The following SGCZ variants were observed in gnomAD, a reference collection of about 807,000 sequenced individuals.
SGCZ encodes zeta-sarcoglycan.
A neutral mutation model predicts 41.3 loss-of-function variants in SGCZ; 40 were observed. The observed-to-expected ratio is 0.97, with a 90% confidence interval of 0.75 to 1.26. SGCZ has a LOEUF of 1.26. Ranked by LOEUF, SGCZ falls within the 50% of genes most tolerant of loss-of-function variation. The pLI is 0.00. For missense variants in SGCZ, 552 were observed against 369.8 expected, an observed-to-expected ratio of 1.49 and a Z score of -4.04; for synonymous variants, 206 against 137.5, an observed-to-expected ratio of 1.50 and a Z score of -3.49.
chr8:14,870,914 A>G (rs999017485), intron 1 of SGCZ, among the ~76,000 whole-genome samples: 4 of 152,198 alleles, frequency 2.6e-5, no homozygotes, highest in Non-Finnish European at 5.9e-5. Flanking sequence ...ATCATTAAAA[A>G]GTCAGGAAAC....
At position 14,525,657 on chromosome 8, in the gene SGCZ, A is replaced by G. The variant is rs1802925447; in HGVS notation, c.234+29075T>C. Among the ~76,000 whole-genome samples the G allele has an allele frequency of 3.3e-5, 5 of 152,254 alleles. No individual in the cohort carries two copies. In the South Asian group the frequency reaches 1.0e-3, roughly 32 times the overall value. On this transcript the variant is annotated intron_variant, in intron 2 of 7. Coordinates refer to ENST00000382080, the MANE Select transcript of SGCZ (RefSeq NM_139167.4). Reference sequence around the variant, plus strand: ...ACATCAAATAAAAGAAAACATTAACACACTAAAAAGAAAATTTAAACCAAA... The same window carrying G: ...ACATCAAATAAAAGAAAACATTAACGCACTAAAAAGAAAATTTAAACCAAA...
chr8:14,336,617 T>C (rs1242105929), intron 2 of SGCZ, among the ~76,000 whole-genome samples: 1 of 152,156 alleles, frequency 6.6e-6, no homozygotes, highest in African/African-American at 2.4e-5. Flanking sequence ...TTATGACTTT[T>C]TAATCATAGC....
chr8:14,785,011 G>C (rs1800723324), intron 1 of SGCZ, among the ~76,000 whole-genome samples: 1 of 136,562 alleles, frequency 7.3e-6, no homozygotes, highest in African/African-American at 2.7e-5. Flanking sequence ...GCTTTATTTA[G>C]AAGCAGAAAA....
At chr8:14,126,129 A>C (rs190256512) in intron 5 of SGCZ, among the ~76,000 whole-genome samples, 1 of 152,296 alleles carries the variant, frequency 6.6e-6, no homozygotes, top group Admixed American at 6.5e-5. Flanking sequence ...ATTGACAAAT[A>C]GGATCTAATT....
At chr8:14,610,332 A>G (rs557629125) in intron 1 of SGCZ, among the ~76,000 whole-genome samples, 1 of 152,206 alleles carries the variant, frequency 6.6e-6, no homozygotes, top group Admixed American at 6.5e-5. Context: ...CCTCTACAAG[A>G]CAAATGAATC....
intron 1 of SGCZ, among the ~76,000 whole-genome samples, chr8:15,074,500 A>G (rs139287315): frequency 3.9e-5 from 6 of 152,262 alleles, no homozygotes; most frequent in Non-Finnish European, 8.8e-5. Context: ...AAATTTTAAA[A>G]GCGCCCCATT....
chr8:14,497,098 T>C (rs1257301851), intron 2 of SGCZ, among the ~76,000 whole-genome samples: 1 of 152,196 alleles, frequency 6.6e-6, no homozygotes, highest in African/African-American at 2.4e-5. Flanking sequence ...AAGACATCTT[T>C]TGGTTACGCG....
In SGCZ at chr8:14,646,667, C is replaced by G. The variant is rs530587353; in HGVS notation, c.40-91741G>C. On this transcript the variant is annotated intron_variant, in intron 1 of 7. Coordinates refer to ENST00000382080, the MANE Select transcript of SGCZ (RefSeq NM_139167.4). Reference sequence around the variant, plus strand: ...TCCACAGATAATAGTTTCCTAACAGCATAAAATACAAGTATTTTGTCTAAA... The same window carrying G: ...TCCACAGATAATAGTTTCCTAACAGGATAAAATACAAGTATTTTGTCTAAA... 5.9e-5 allele frequency among the ~76,000 whole-genome samples: 9 copies of G among 151,896 alleles called. No homozygotes were observed. In the East Asian group the frequency reaches 1.7e-3, roughly 30 times the overall value.
At chr8:14,801,345 C>G (rs1801316223) in intron 1 of SGCZ, among the ~76,000 whole-genome samples, 1 of 152,040 alleles carries the variant, frequency 6.6e-6, no homozygotes, top group African/African-American at 2.4e-5. Context: ...GGAAATGAAT[C>G]ATTTTTATGA....
At chr8:14,903,306 T>C (rs975757472) in intron 1 of SGCZ, among the ~76,000 whole-genome samples, 3 of 152,114 alleles carry the variant, frequency 2.0e-5, no homozygotes, top group Admixed American at 6.6e-5. Flanking sequence ...TCATACTAAA[T>C]ACAGATGCAG....
intron 1 of SGCZ, among the ~76,000 whole-genome samples, chr8:15,202,850 C>G (rs1430617813): frequency 2.6e-5 from 4 of 152,064 alleles, no homozygotes; most frequent in Admixed American, 2.6e-4. Context: ...GTGGCTCACA[C>G]CTATAATCCC....
intron 2 of SGCZ, among the ~76,000 whole-genome samples, chr8:14,525,665 A>T (rs544227587): frequency 2.2e-4 from 33 of 152,236 alleles, no homozygotes; most frequent in Non-Finnish European, 4.0e-4. Flanking sequence ...ACACACTAAA[A>T]AGAAAATTTA....
chr8:14,322,371 A>G (rs187505948), intron 3 of SGCZ, among the ~76,000 whole-genome samples: 1 of 152,208 alleles, frequency 6.6e-6, no homozygotes, highest in East Asian at 1.9e-4. Context: ...GCTTGTGAAC[A>G]TGGAGTTAGC....
intron 2 of SGCZ, chr8:14,332,471 A>T (rs972050921): frequency 2.6e-5 from 4 of 152,102 alleles, no homozygotes; most frequent in Non-Finnish European, 4.4e-5. Context: ...AATAAAAAAT[A>T]AAAATATGTT....
At chr8:14,396,939 G>T (rs932331696) in intron 2 of SGCZ, among the ~76,000 whole-genome samples, 1 of 152,086 alleles carries the variant, frequency 6.6e-6, no homozygotes, top group Admixed American at 6.6e-5. Context: ...GAAATGTGCT[G>T]AATTGCTTTA....
chr8:14,834,027 A>G (rs1802616113), intron 1 of SGCZ, among the ~76,000 whole-genome samples: 1 of 152,176 alleles, frequency 6.6e-6, no homozygotes, highest in Non-Finnish European at 1.5e-5. Flanking sequence ...ATTGTGTTCT[A>G]TTTGGAAATA....
intron 1 of SGCZ, among the ~76,000 whole-genome samples, chr8:14,860,832 A>G (rs551528518): frequency 1.3e-5 from 2 of 152,288 alleles, no homozygotes; most frequent in East Asian, 3.9e-4. Context: ...AGAAGACCCC[A>G]CGCTCAGAAG....
intron 5 of SGCZ, among the ~76,000 whole-genome samples, chr8:14,154,134 G>A (rs1052409471): frequency 3.3e-5 from 5 of 152,112 alleles, no homozygotes; most frequent in African/African-American, 1.2e-4. Flanking sequence ...ATTATGGGAG[G>A]CCGAGGCGGG....
intron 1 of SGCZ, among the ~76,000 whole-genome samples, chr8:15,044,376 G>T (rs911449185): frequency 2.6e-5 from 4 of 152,120 alleles, no homozygotes; most frequent in Non-Finnish European, 4.4e-5. Flanking sequence ...CTGCCCCAGT[G>T]AGAAAGCTGA....
Sources: gnomAD v4.1 joint callset for allele counts (sites outside exome capture counted in the v4.1 genomes callset) on GRCh38, gnomAD v4.1.1 for gene constraint, MANE v1.5 for transcripts, NCBI Gene and HGNC (gene_info 2026-07-23, HGNC 2026-07-21) for gene names.